Variants in FGD5 observed in about 807,000 individuals in gnomAD.
FGD5 encodes FYVE, RhoGEF and PH domain containing 5.
FGD5 carries 28 observed loss-of-function variants against 133.4 expected under a neutral mutation model. The ratio of observed to expected loss-of-function variants is 0.21; its 90% CI spans 0.16 to 0.29. The LOEUF is 0.29. Ranked by LOEUF, FGD5 falls within the 10% of genes least tolerant of loss-of-function variation. FGD5 has a pLI of 1.00. For synonymous variants in FGD5, 810 were observed against 776.5 expected, an observed-to-expected ratio of 1.04 and a Z score of -0.72; for missense variants, 1,858 against 1,895.2, an observed-to-expected ratio of 0.98 and a Z score of 0.36.
At chr3:14,909,900 G>A (rs796850084) in intron 10 of FGD5, among the ~76,000 whole-genome samples, 3 of 151,764 alleles carry the variant, frequency 2.0e-5, no homozygotes, top group African/African-American at 7.2e-5. Context: ...CGAGTAGCTG[G>A]GACTACAGGC....
chr3:14,830,905 G>A (rs2036694841), intron 1 of FGD5, among the ~76,000 whole-genome samples: 1 of 152,192 alleles, frequency 6.6e-6, no homozygotes, highest in Non-Finnish European at 1.5e-5. Context: ...GCTGGGGAGA[G>A]GCAGACAGTA....
rs1308478567 is a variant in FGD5, at chr3:14,864,140, G to A, written c.2538G>A (p.Glu846=). ...ADQDAESAYT[E]PYKVCPISSA... Reference sequence around the variant, plus strand: ...TGCTTTGACCCAGCGCCTACACAGAGCCCTACAAAGTCTGTCCCATCTCGT... The same window carrying A: ...TGCTTTGACCCAGCGCCTACACAGAACCCTACAAAGTCTGTCCCATCTCGT... The change falls in exon 2 of 20, where the codon GAG becomes GAA. Residue 846 remains glutamate, a synonymous_variant. Coordinates refer to ENST00000285046, the MANE Select transcript of FGD5 (RefSeq NM_152536.4). 7 of 1,613,704 alleles carry A rather than the reference G, an allele frequency of 4.3e-6. No individual in the cohort carries two copies. In the East Asian group the frequency reaches 8.9e-5, roughly 21 times the overall value.
intron 18 of FGD5, among the ~76,000 whole-genome samples, chr3:14,926,570 C>T (rs914758338): frequency 1.3e-5 from 2 of 152,252 alleles, no homozygotes; most frequent in Non-Finnish European, 2.9e-5. Context: ...CAAAATTCAG[C>T]AGTGTGGAGG....
At position 14,819,779 on chromosome 3, in the gene FGD5, C is replaced by G. The variant is rs756307673; in HGVS notation, c.708C>G (p.Asp236Glu). ...GGGCAGATGAGGGTTCGGGTCCTGACAGGCCCACGGAGGACATGGGACAGG... is the reference window on the plus strand; with the variant it reads ...GGGCAGATGAGGGTTCGGGTCCTGAGAGGCCCACGGAGGACATGGGACAGG... ...PAGADEGSGP[D>E]RPTEDMGQDA... The change falls in exon 1 of 20, where the codon GAC becomes GAG. Residue 236 changes from aspartate to glutamate, a missense_variant. Transcript: ENST00000285046. The surrounding 1 kb of genome is among the most constrained non-coding windows in gnomAD (Gnocchi z 4.1). The G allele has an allele frequency of 6.4e-7, 1 of 1,556,204 alleles. No individual in the cohort carries two copies. Among genetic ancestry groups the G allele is most frequent in the Non-Finnish European group, 8.7e-7 (1 of 1,150,448 alleles).
At chr3:14,869,277 G>A (rs1255258667) in intron 2 of FGD5, among the ~76,000 whole-genome samples, 1 of 151,988 alleles carries the variant, frequency 6.6e-6, no homozygotes, top group Non-Finnish European at 1.5e-5. Context: ...CTGGGCGACA[G>A]AGCAAGACTC....
intron 1 of FGD5, among the ~76,000 whole-genome samples, chr3:14,822,245 A>G (rs1163260310): frequency 1.3e-5 from 2 of 152,208 alleles, no homozygotes; most frequent in African/African-American, 4.8e-5. Flanking sequence ...GTTATCTCCT[A>G]GGTAGATGGC....
chr3:14,829,556 A>G (rs1323207019), intron 1 of FGD5, among the ~76,000 whole-genome samples: 1 of 152,236 alleles, frequency 6.6e-6, no homozygotes, highest in East Asian at 1.9e-4. Context: ...CTCCAGGGCT[A>G]GATTGCATCT....
At chr3:14,892,201 T>A (rs934483954) in intron 4 of FGD5, among the ~76,000 whole-genome samples, 2 of 151,876 alleles carry the variant, frequency 1.3e-5, no homozygotes, top group African/African-American at 2.4e-5. Context: ...ACCTTTTTTT[T>A]TTATTTTTTT....
chr3:14,894,824 A>C (rs1270185663), intron 4 of FGD5, among the ~76,000 whole-genome samples: 3 of 151,964 alleles, frequency 2.0e-5, no homozygotes, highest in Non-Finnish European at 4.4e-5. Flanking sequence ...ACTATTTTAC[A>C]TTCTCACTGA....
chr3:14,876,545 T>C (rs1026630347), intron 2 of FGD5, among the ~76,000 whole-genome samples: 12 of 152,190 alleles, frequency 7.9e-5, no homozygotes, highest in Admixed American at 3.9e-4. Flanking sequence ...AATAAATAAA[T>C]AAACCACCCT....
intron 4 of FGD5, among the ~76,000 whole-genome samples, chr3:14,893,150 A>G (rs1385270471): frequency 6.6e-6 from 1 of 152,214 alleles, no homozygotes; most frequent in Non-Finnish European, 1.5e-5. Context: ...TGAGAAAGAA[A>G]TCTTTATAAA....
chr3:14,814,145 G>A (rs190495894), upstream of FGD5, among the ~76,000 whole-genome samples: 840 of 152,226 alleles, frequency 5.5e-3, 5 homozygotes, highest in Non-Finnish European at 9.6e-3. Flanking sequence ...CAAGGAGAGA[G>A]AAGGTTCACA....
chr3:14,870,488 C>T (rs1176723663), intron 2 of FGD5, among the ~76,000 whole-genome samples: 2 of 152,198 alleles, frequency 1.3e-5, no homozygotes, highest in Admixed American at 1.3e-4. Flanking sequence ...GCCCTGGTGG[C>T]CTCACCTCCT....
rs561528258 is a variant in FGD5 at position 14,843,792 on chromosome 3, G to A, written c.2526-20336G>A. ...TGCAACCTCTGCCTCCTGGGTTCACGTGATTCTCGTGCCTCAACCTCCTGA... is the reference window on the plus strand; with the variant it reads ...TGCAACCTCTGCCTCCTGGGTTCACATGATTCTCGTGCCTCAACCTCCTGA... On this transcript the variant is annotated intron_variant, in intron 1 of 19. Transcript: ENST00000285046. Among the ~76,000 whole-genome samples the A allele has an allele frequency of 2.0e-4, 29 of 148,460 alleles. No homozygotes were observed. The East Asian group carries it at 3.2e-3, about 17-fold the overall frequency.
intron 1 of FGD5, among the ~76,000 whole-genome samples, chr3:14,845,888 T>C (rs2037041351): frequency 6.6e-6 from 1 of 152,182 alleles, no homozygotes; most frequent in Non-Finnish European, 1.5e-5. Flanking sequence ...GGAGAGGGGC[T>C]ATGACTGAAG....
At chr3:14,928,399 T>A (rs577082600) in intron 18 of FGD5, among the ~76,000 whole-genome samples, 1 of 152,284 alleles carries the variant, frequency 6.6e-6, no homozygotes, top group African/African-American at 2.4e-5. Context: ...TATTCTTTAT[T>A]ATATTTATTG....
In FGD5 at chr3:14,819,048, G is replaced by A. The variant is rs555773815; in HGVS notation, c.-24G>A. The stretch of plus-strand genomic sequence containing the variant: ...CAAATTCCCTTCCTCAGCCAGGCCC[G>A]AGAGTCTTCACAGTCCAAACTCCAT... On this transcript the variant is annotated 5_prime_UTR_variant, in exon 1 of 20. Coordinates refer to ENST00000285046, the MANE Select transcript of FGD5 (RefSeq NM_152536.4). The surrounding 1 kb of genome is among the most constrained non-coding windows in gnomAD (Gnocchi z 4.1). 5.3e-4 allele frequency: 801 copies of A among 1,524,138 alleles called. 5 individuals are homozygous for A. The highest frequency in any genetic ancestry group is 4.3e-3 in the South Asian group (346 of 80,536). The allele number at this position is 1,524,138 out of a possible 1,614,324, so 94.4% of individuals were successfully genotyped here.
At chr3:14,848,438 A>G (rs1181946828) in intron 1 of FGD5, among the ~76,000 whole-genome samples, 1 of 151,930 alleles carries the variant, frequency 6.6e-6, no homozygotes, top group Non-Finnish European at 1.5e-5. Flanking sequence ...CTGCAGCCTT[A>G]ACACCGCAGG....
intron 8 of FGD5, 81 bp downstream of exon 8, chr3:14,900,534 C>A: frequency 2.0e-6 from 3 of 1,516,600 alleles, no homozygotes; most frequent in East Asian, 2.4e-5. Flanking sequence ...TGCCCCAATT[C>A]CAAGGCCCAG....
Sources: allele counts gnomAD v4.1 joint callset (sites outside exome capture counted in the v4.1 genomes callset), GRCh38; gene constraint gnomAD v4.1.1; non-coding constraint Gnocchi (gnomAD v3.1); transcripts MANE v1.5; gene names NCBI Gene and HGNC (gene_info 2026-07-23, HGNC 2026-07-21).